Variants in RHEB observed in about 807,000 individuals in gnomAD.
The protein encoded by RHEB is GTP-binding protein Rheb.
Under a neutral mutation model 28.8 loss-of-function variants are expected in RHEB, and 2 were observed. The ratio of observed to expected loss-of-function variants is 0.07; its 90% CI spans 0.03 to 0.22. RHEB has a LOEUF of 0.22. Ranked by LOEUF, RHEB falls within the 10% of genes least tolerant of loss-of-function variation. The pLI is 1.00. For missense variants in RHEB, 76 were observed against 219.9 expected, an observed-to-expected ratio of 0.35 and a Z score of 4.14; for synonymous variants, 69 against 77.3, an observed-to-expected ratio of 0.89 and a Z score of 0.56.
In RHEB at chr7:151,470,671, T is replaced by C; in HGVS notation, c.381-19A>G. Reference sequence around the variant, plus strand: ...GATCACCCTAAAGAAAAAATAAAATTCTAGTTAAAGTACTTTGCTCTTCAT... The same window carrying C: ...GATCACCCTAAAGAAAAAATAAAATCCTAGTTAAAGTACTTTGCTCTTCAT... On this transcript the variant is annotated intron_variant, in intron 6 of 7. Coordinates refer to ENST00000262187, the MANE Select transcript of RHEB (RefSeq NM_005614.4). The C allele has an allele frequency of 6.4e-7, 1 of 1,551,088 alleles. No homozygotes were observed. Among genetic ancestry groups the C allele is most frequent in the Non-Finnish European group, 8.9e-7 (1 of 1,129,730 alleles).
chr7:151,506,678 G>A (rs1290172927), intron 1 of RHEB, among the ~76,000 whole-genome samples: 1 of 152,142 alleles, frequency 6.6e-6, no homozygotes, highest in Non-Finnish European at 1.5e-5. Context: ...TTCAACTAAA[G>A]CCTCAAAATA....
At chr7:151,482,793 T>C (rs1324759515) in intron 3 of RHEB, among the ~76,000 whole-genome samples, 3 of 152,174 alleles carry the variant, frequency 2.0e-5, no homozygotes, top group African/African-American at 4.8e-5. Flanking sequence ...ATAAATTATA[T>C]AGTCAACTAT....
intron 1 of RHEB, chr7:151,502,608 T>A (rs1167715152): frequency 6.7e-7 from 1 of 1,492,876 alleles, no homozygotes; most frequent in African/African-American, 1.4e-5. Context: ...TACTTTCAGA[T>A]GACAGCAAGT....
At chr7:151,488,324 C>T (rs1331821118) in intron 2 of RHEB, among the ~76,000 whole-genome samples, 1 of 152,196 alleles carries the variant, frequency 6.6e-6, no homozygotes, top group Non-Finnish European at 1.5e-5. Flanking sequence ...AGAATTTTTG[C>T]TCACCATGAC....
At chr7:151,519,421 C>T (rs1281611512) in intron 1 of RHEB, 39 bp downstream of exon 1, 7 of 1,362,384 alleles carry the variant, frequency 5.1e-6, no homozygotes, top group Non-Finnish European at 6.7e-6. Context: ...GGCGAGGCCC[C>T]GGCGGCGCGA....
At position 151,505,566 on chromosome 7, in the gene RHEB, G is replaced by A. The variant is rs553613216; in HGVS notation, c.52+13894C>T. 9.9e-5 allele frequency among the ~76,000 whole-genome samples: 15 copies of A among 152,284 alleles called. No individual in the cohort carries two copies. In the South Asian group the frequency reaches 3.1e-3, roughly 32 times the overall value. On this transcript the variant is annotated intron_variant, in intron 1 of 7. Transcript: ENST00000262187. ...GTGCTGCTAGTGGAGGCATAAAATG[G>A]TCAAAATGTTTTGGAAAAACAGTTT...
chr7:151,496,106 C>T (rs1802667629), intron 1 of RHEB, among the ~76,000 whole-genome samples: 1 of 152,208 alleles, frequency 6.6e-6, no homozygotes, highest in Admixed American at 6.5e-5. Flanking sequence ...GGACACAACC[C>T]ATTCCAGGGC....
chr7:151,489,795 T>C (rs561547288), intron 2 of RHEB, among the ~76,000 whole-genome samples: 1 of 152,378 alleles, frequency 6.6e-6, no homozygotes, highest in South Asian at 2.1e-4. Flanking sequence ...TGGACTTTTA[T>C]ATATTATGCT....
intron 2 of RHEB, among the ~76,000 whole-genome samples, chr7:151,489,234 C>T (rs1802535651): frequency 2.0e-5 from 3 of 152,170 alleles, no homozygotes; most frequent in African/African-American, 7.2e-5. Context: ...GATCTAAAAT[C>T]CTAAATTGCT....
intron 1 of RHEB, among the ~76,000 whole-genome samples, chr7:151,517,000 CA>C (rs1317652052): frequency 6.6e-6 from 1 of 152,154 alleles, no homozygotes; most frequent in Admixed American, 6.5e-5. Flanking sequence ...AACCTGCTGG[CA>C]AAACCTAATC....
intron 1 of RHEB, among the ~76,000 whole-genome samples, chr7:151,513,699 T>G (rs1456547213): frequency 1.3e-5 from 2 of 152,240 alleles, no homozygotes; most frequent in African/African-American, 4.8e-5. Context: ...TTGCAAACTA[T>G]CACTTATGAA....
intron 1 of RHEB, among the ~76,000 whole-genome samples, chr7:151,512,225 T>C (rs569742770): frequency 6.6e-6 from 1 of 152,296 alleles, no homozygotes; most frequent in African/African-American, 2.4e-5. Context: ...ATGGACACTA[T>C]TACAGTTGTT....
chr7:151,501,444 C>T (rs755041683), intron 1 of RHEB, among the ~76,000 whole-genome samples: 1 of 152,120 alleles, frequency 6.6e-6, no homozygotes, highest in Non-Finnish European at 1.5e-5. Context: ...AAATATTGGC[C>T]ATCCCAGTGC....
In RHEB at chr7:151,510,603, G is replaced by C. The variant is rs966449920; in HGVS notation, c.52+8857C>G. Among the ~76,000 whole-genome samples the C allele has an allele frequency of 2.0e-5, 3 of 152,170 alleles. No homozygotes were observed. The East Asian group carries it at 5.8e-4, about 29-fold the overall frequency. ...CTCCTTGAGGGCAAGGATTATAACT[G>C]TCCTAGCTTTTGTGACTGGTACAAA... On this transcript the variant is annotated intron_variant, in intron 1 of 7. Coordinates refer to ENST00000262187, the MANE Select transcript of RHEB (RefSeq NM_005614.4).
rs978351130 is a variant in RHEB, at chr7:151,498,039, T to C, written c.53-7025A>G. ...CCACACACTTGACCATGAAGATGAA[T>C]GCACCTTACAGAAAATGATCTCAGC... On this transcript the variant is annotated intron_variant, in intron 1 of 7. Transcript: ENST00000262187. 1.1e-5 allele frequency: 12 copies of C among 1,054,294 alleles called. No individual in the cohort carries two copies. The African/African-American group carries it at 1.8e-4, about 16-fold the overall frequency. The allele number at this position is 1,054,294 out of a possible 1,614,324, so 65.3% of individuals were successfully genotyped here.
intron 7 of RHEB, among the ~76,000 whole-genome samples, chr7:151,467,524 C>T (rs780558325): frequency 5.7e-4 from 6 of 10,534 alleles, no homozygotes; most frequent in African/African-American, 9.7e-4. Context: ...TGACCCCCAC[C>T]CCAGTGTCCT....
chr7:151,518,219 G>T (rs1028639530), intron 1 of RHEB: 1 of 152,196 alleles, frequency 6.6e-6, no homozygotes, highest in Non-Finnish European at 1.5e-5. Context: ...ATTTCCCCCC[G>T]GCTCTCGACG....
chr7:151,491,738 A>C (rs1802586171), intron 1 of RHEB, among the ~76,000 whole-genome samples: 1 of 39,840 alleles, frequency 2.5e-5, no homozygotes. Flanking sequence ...CCCTGTGTCA[A>C]AAAAAAAAAA....
In RHEB at chr7:151,468,809, C is replaced by T. The variant is rs553407087; in HGVS notation, c.463-1598G>A. ...ACCCCGCTTGTCTAATCTAGGTCAC[C>T]GGCTTCAGATCACCTGATTGACAGG... On this transcript the variant is annotated intron_variant, in intron 7 of 7. Coordinates refer to ENST00000262187, the MANE Select transcript of RHEB (RefSeq NM_005614.4). This position sits in a 1 kb window ranked among gnomAD's most constrained non-coding sequence, Gnocchi z 4.3. Among the ~76,000 whole-genome samples, 9 of 152,280 alleles carry T rather than the reference C, an allele frequency of 5.9e-5. No individual in the cohort carries two copies. Among genetic ancestry groups the T allele is most frequent in the Admixed American group, 3.9e-4 (6 of 15,308 alleles).
Sources: gnomAD v4.1 joint callset for allele counts (sites outside exome capture counted in the v4.1 genomes callset) on GRCh38, gnomAD v4.1.1 for gene constraint, Gnocchi (gnomAD v3.1) non-coding constraint, MANE v1.5 for transcripts, NCBI Gene and HGNC (gene_info 2026-07-23, HGNC 2026-07-21) for gene names.